The following FGF14 variants were observed in gnomAD, a reference collection of about 807,000 sequenced individuals.
The protein encoded by FGF14 is fibroblast growth factor 14.
In FGF14, 5 loss-of-function variants were observed where a neutral mutation model predicts 25.5. The observed-to-expected ratio is 0.20, with a 90% CI of 0.10 to 0.41. The LOEUF (loss-of-function observed/expected upper bound fraction) is 0.41. Among genes scored for constraint, FGF14 ranks in the 10% least tolerant of loss-of-function variants. The pLI, the probability that FGF14 is intolerant of heterozygous loss-of-function variation, is 1.00. For missense variants in FGF14, 222 were observed against 320.1 expected (o/e 0.69, Z 2.34); for synonymous variants, 138 against 118.3 (o/e 1.17, Z -1.08).
intron 1 of FGF14, among the ~76,000 whole-genome samples, chr13:102,073,394 C>T (rs1276762012): frequency 6.6e-6 from 1 of 152,216 alleles, no homozygotes; most frequent in African/African-American, 2.4e-5. Flanking sequence ...CAGCCTTCAC[C>T]ATATGCTTCC....
intron 3 of FGF14, among the ~76,000 whole-genome samples, chr13:101,744,902 C>A (rs976105298): frequency 3.3e-5 from 5 of 151,886 alleles, no homozygotes; most frequent in Admixed American, 3.3e-4. Context: ...TAAGTTGGAT[C>A]CCCTGCCCTC....
chr13:102,072,829 CA>C (rs2043206229), intron 1 of FGF14, among the ~76,000 whole-genome samples: 1 of 152,130 alleles, frequency 6.6e-6, no homozygotes, highest in Non-Finnish European at 1.5e-5. Context: ...GTCTCAAAAT[CA>C]AATGTCTTAC....
chr13:101,895,256 C>T (rs2030461166), intron 1 of FGF14, among the ~76,000 whole-genome samples: 1 of 152,044 alleles, frequency 6.6e-6, no homozygotes, highest in African/African-American at 2.4e-5. Context: ...TATTAAGTAA[C>T]ATTTTTAAAG....
intron 1 of FGF14, among the ~76,000 whole-genome samples, chr13:102,243,035 A>C (rs2051681078): frequency 6.6e-6 from 1 of 152,124 alleles, no homozygotes; most frequent in African/African-American, 2.4e-5. Context: ...ATAAAACCTC[A>C]GTTATGTACT....
At chr13:102,197,912 C>T in intron 1 of FGF14, among the ~76,000 whole-genome samples, 1 of 152,192 alleles carries the variant, frequency 6.6e-6, no homozygotes, top group East Asian at 1.9e-4. Flanking sequence ...AATGAGAAAC[C>T]TCTAAATAGA....
At chr13:102,246,375 G>A (rs894505850) in intron 1 of FGF14, among the ~76,000 whole-genome samples, 1 of 152,064 alleles carries the variant, frequency 6.6e-6, no homozygotes, top group African/African-American at 2.4e-5. Flanking sequence ...CTACACAGAT[G>A]TAACTATCTA....
intron 1 of FGF14, among the ~76,000 whole-genome samples, chr13:102,343,066 C>A (rs1452111771): frequency 1.3e-5 from 2 of 152,086 alleles, no homozygotes; most frequent in Non-Finnish European, 2.9e-5. Context: ...AGAGTAGGCA[C>A]AGTCAATAGT....
chr13:102,140,916 T>C (rs2046618260), intron 1 of FGF14, among the ~76,000 whole-genome samples: 2 of 152,152 alleles, frequency 1.3e-5, no homozygotes, highest in Non-Finnish European at 2.9e-5. Flanking sequence ...AATCCAAGGA[T>C]GAATTAAATG....
chr13:102,207,335 A>G (rs958110496), intron 1 of FGF14, among the ~76,000 whole-genome samples: 10 of 151,660 alleles, frequency 6.6e-5, no homozygotes, highest in Middle Eastern at 3.4e-3. Context: ...TCCCCTCCAA[A>G]CCTTAGATTT....
chr13:102,296,499 A>C (rs2054720040), intron 1 of FGF14, among the ~76,000 whole-genome samples: 1 of 152,156 alleles, frequency 6.6e-6, no homozygotes, highest in African/African-American at 2.4e-5. Flanking sequence ...GGCAATTAGC[A>C]ACTAAATTTT....
At chr13:101,807,634 TGACCCTTA>T (rs2041275202) in intron 3 of FGF14, among the ~76,000 whole-genome samples, 1 of 152,180 alleles carries the variant, frequency 6.6e-6, no homozygotes, top group East Asian at 1.9e-4. Context: ...TACAATTCCC[TGACCCTTA>T]GGCCAGGGAA....
At chr13:102,138,749 C>T (rs1281617388) in intron 1 of FGF14, among the ~76,000 whole-genome samples, 1 of 152,162 alleles carries the variant, frequency 6.6e-6, no homozygotes, top group Non-Finnish European at 1.5e-5. Context: ...TTAAAGGGTG[C>T]TCATTTCTAG....
intron 1 of FGF14, among the ~76,000 whole-genome samples, chr13:101,947,081 G>GA (rs997891028): frequency 3.9e-5 from 6 of 151,920 alleles, no homozygotes; most frequent in Non-Finnish European, 7.4e-5. Flanking sequence ...GGAAACTTAT[G>GA]AAAAAAATGC....
At chr13:101,765,647 A>G (rs1462163239) in intron 3 of FGF14, among the ~76,000 whole-genome samples, 2 of 152,154 alleles carry the variant, frequency 1.3e-5, no homozygotes, top group Non-Finnish European at 1.5e-5. Flanking sequence ...TGAAGACCAC[A>G]TAAGAGAATC....
At chr13:102,023,414 T>C (rs112392488) in intron 1 of FGF14, among the ~76,000 whole-genome samples, 5,231 of 152,136 alleles carry the variant, frequency 0.034, 298 homozygotes, top group African/African-American at 0.12. Flanking sequence ...ATAGAGCTCT[T>C]AATAAATTAT....
intron 1 of FGF14, among the ~76,000 whole-genome samples, chr13:102,102,846 C>CT (rs2044724265): frequency 6.6e-6 from 1 of 152,116 alleles, no homozygotes; most frequent in Non-Finnish European, 1.5e-5. Context: ...GTAAAGGACT[C>CT]TGTCTCTTTA....
intron 1 of FGF14, among the ~76,000 whole-genome samples, chr13:102,187,995 T>G (rs2048942386): frequency 1.3e-5 from 2 of 152,230 alleles, no homozygotes. Context: ...GCTGATTTAT[T>G]GAATTCAGCA....
chr13:102,248,151 T>C (rs1487887629), intron 1 of FGF14, among the ~76,000 whole-genome samples: 2 of 152,072 alleles, frequency 1.3e-5, no homozygotes, highest in African/African-American at 2.4e-5. Flanking sequence ...CTAGGCTTAG[T>C]AGCTGGTGTG....
chr13:101,796,832 G>A (rs781106721), intron 3 of FGF14, among the ~76,000 whole-genome samples: 14 of 152,036 alleles, frequency 9.2e-5, no homozygotes, highest in Admixed American at 7.9e-4. Context: ...ACATTGTTAC[G>A]GCAGCCCTAG....
Sources: gnomAD v4.1 joint callset for allele counts (sites outside exome capture counted in the v4.1 genomes callset) on GRCh38, gnomAD v4.1.1 for gene constraint, MANE v1.5 for transcripts, NCBI Gene and HGNC (gene_info 2026-07-23, HGNC 2026-07-21) for gene names.